Variants in RPS6KA2 observed in about 807,000 individuals in gnomAD.
RPS6KA2 encodes the protein ribosomal protein S6 kinase alpha-2.
In RPS6KA2, 42 loss-of-function variants were observed where a neutral mutation model predicts 91.8. That is an observed-to-expected ratio of 0.46 (90% CI 0.36 to 0.59). RPS6KA2 has a LOEUF of 0.59. Among genes scored for constraint, RPS6KA2 ranks in the 20% least tolerant of loss-of-function variants. The pLI is 0.00. For missense variants in RPS6KA2, 798 were observed against 978.5 expected (o/e 0.82, Z 2.46); for synonymous variants, 414 against 393.6 (o/e 1.05, Z -0.61).
intron 11 of RPS6KA2, 64 bp downstream of exon 11, chr6:166,469,777 T>A (rs1345029747): frequency 2.1e-6 from 3 of 1,427,344 alleles, no homozygotes; most frequent in Non-Finnish European, 2.0e-6. Flanking sequence ...CACCAAGCCG[T>A]ATGTTCCCTC....
At chr6:166,769,609 A>G (rs1291792944) in intron 2 of RPS6KA2, among the ~76,000 whole-genome samples, 2 of 152,242 alleles carry the variant, frequency 1.3e-5, no homozygotes, top group South Asian at 4.1e-4. Flanking sequence ...TCCACGTCCA[A>G]TAAGGAAACT....
intron 10 of RPS6KA2, among the ~76,000 whole-genome samples, chr6:166,470,529 C>G (rs774861556): frequency 6.6e-6 from 1 of 152,220 alleles, no homozygotes; most frequent in Non-Finnish European, 1.5e-5. Context: ...TACTTTGTTG[C>G]GTACAATCCT....
chr6:166,618,591 G>T (rs1786502072), intron 1 of RPS6KA2, among the ~76,000 whole-genome samples: 1 of 152,226 alleles, frequency 6.6e-6, no homozygotes, highest in Non-Finnish European at 1.5e-5. Flanking sequence ...CAGGCAGTGA[G>T]AGGCCTTGGC....
Position 166,412,762 on chromosome 6 carries a change from C to T in RPS6KA2, c.2202G>A (p.Ter734=), listed in dbSNP as rs1169695090. ...GACGCTGGGGCCAGGGTCCCACCCG[C>T]TACAGCCGCGTGGACGTGAGTCTCT... ...GMKRLTSTRL[*] is the part of the protein sequence containing the mutation. The change falls in exon 21 of 21, where the codon TAG becomes TAA. Residue 734 remains the stop codon, a stop_retained_variant. Transcript: ENST00000265678. The surrounding 1 kb of genome is among the most constrained non-coding windows in gnomAD (Gnocchi z 4.3). The T allele has an allele frequency of 6.3e-7, 1 of 1,597,186 alleles. No homozygotes were observed. Among genetic ancestry groups the T allele is most frequent in the Admixed American group, 1.7e-5 (1 of 57,852 alleles).
chr6:166,449,856 A>G (rs899725167), intron 13 of RPS6KA2, among the ~76,000 whole-genome samples: 1 of 126,098 alleles, frequency 7.9e-6, no homozygotes, highest in Non-Finnish European at 1.7e-5. Context: ...CACGAGGACC[A>G]CCATGGGAAC....
chr6:166,514,219 C>A (rs1782564067), intron 3 of RPS6KA2, among the ~76,000 whole-genome samples: 1 of 152,212 alleles, frequency 6.6e-6, no homozygotes. Context: ...ACTCCTTTCC[C>A]ATCACTACTT....
intron 3 of RPS6KA2, among the ~76,000 whole-genome samples, chr6:166,511,582 C>T (rs1350941095): frequency 6.6e-6 from 1 of 152,186 alleles, no homozygotes; most frequent in African/African-American, 2.4e-5. Flanking sequence ...GGGCAAGCTG[C>T]TACACCCAGG....
chr6:166,843,476 G>A (rs1392259354), intron 2 of RPS6KA2, among the ~76,000 whole-genome samples: 1 of 152,164 alleles, frequency 6.6e-6, no homozygotes, highest in Non-Finnish European at 1.5e-5. Context: ...CAAAACCAGT[G>A]CACTGAACAA....
intron 5 of RPS6KA2, among the ~76,000 whole-genome samples, chr6:166,504,899 C>T (rs1782143597): frequency 6.6e-6 from 1 of 152,166 alleles, no homozygotes; most frequent in Admixed American, 6.5e-5. Flanking sequence ...GTGTCCTTCT[C>T]ACCCCTGCAA....
intron 2 of RPS6KA2, among the ~76,000 whole-genome samples, chr6:166,706,816 G>T (rs80263422): frequency 0.02 from 2,970 of 152,288 alleles, 101 homozygotes; most frequent in African/African-American, 0.068. Flanking sequence ...ATATAGAGAG[G>T]GTGGGATCGG....
chr6:166,575,382 C>A (rs1784810592), intron 1 of RPS6KA2, among the ~76,000 whole-genome samples: 1 of 152,146 alleles, frequency 6.6e-6, no homozygotes, highest in African/African-American at 2.4e-5. Context: ...CCTGCCAAAT[C>A]GAGCACGAGA....
At chr6:166,447,404 CT>C (rs1353775497) in intron 14 of RPS6KA2, among the ~76,000 whole-genome samples, 1 of 152,158 alleles carries the variant, frequency 6.6e-6, no homozygotes, top group African/African-American at 2.4e-5. Context: ...TTTAAACTTT[CT>C]TTTTTTGTTT....
intron 2 of RPS6KA2, among the ~76,000 whole-genome samples, chr6:166,708,485 G>T (rs991611598): frequency 1.3e-5 from 2 of 152,190 alleles, no homozygotes; most frequent in African/African-American, 4.8e-5. Context: ...GCTTTATCAG[G>T]TTGTTGAAAA....
intron 3 of RPS6KA2, among the ~76,000 whole-genome samples, chr6:166,512,145 A>G (rs182265367): frequency 4.4e-4 from 67 of 152,308 alleles, no homozygotes; most frequent in African/African-American, 1.4e-3. Flanking sequence ...TTCAGCTCTA[A>G]AAAAGAGTAA....
chr6:166,533,071 G>A lies in RPS6KA2; in HGVS notation c.217-1758C>T, dbSNP rs114971053. ...CTCAGGGTGTTCCCTCTGTGCAGTG[G>A]GCGAGCTTCCTGACAGGCAGGTAGA... On this transcript the variant is annotated intron_variant, in intron 2 of 20. Transcript: ENST00000265678. This position sits in a 1 kb window ranked among gnomAD's most constrained non-coding sequence, Gnocchi z 4.0. 3.2e-3 allele frequency among the ~76,000 whole-genome samples: 480 copies of A among 152,338 alleles called. 3 individuals carry two copies. Among genetic ancestry groups the A allele is most frequent in the African/African-American group, 0.011 (458 of 41,576 alleles).
At chr6:166,734,894 T>C (rs1262306575) in intron 2 of RPS6KA2, among the ~76,000 whole-genome samples, 2 of 152,216 alleles carry the variant, frequency 1.3e-5, no homozygotes, top group African/African-American at 4.8e-5. Flanking sequence ...AATGAGAAAA[T>C]ATCACAGATT....
rs141709524 is a variant in RPS6KA2, at chr6:166,716,035, C to CA, written c.123+142164dup. ...CCTGGCTGACAGAGTGAGACTCCAT[C>CA]AAAAAAAAAAAAAAAAAAAAAAAAA... On this transcript the variant is annotated intron_variant, in intron 2 of 21. Transcript: ENST00000503859. 5.0e-3 allele frequency among the ~76,000 whole-genome samples: 451 copies of CA among 89,774 alleles called. 12 individuals are homozygous for CA. The highest frequency in any genetic ancestry group is 0.015 in the African/African-American group (283 of 19,030). The allele number at this position is 89,774 out of a possible 152,430, so 58.9% of individuals were successfully genotyped here. A position where few individuals can be genotyped will look rare whatever the true frequency, so the allele number is the denominator to read the frequency against.
At chr6:166,792,271 C>T (rs2128614550) in intron 2 of RPS6KA2, among the ~76,000 whole-genome samples, 1 of 152,240 alleles carries the variant, frequency 6.6e-6, no homozygotes, top group East Asian at 1.9e-4. Flanking sequence ...GGATAAATTC[C>T]TGGACACATA....
At chr6:166,458,001 A>G (rs1780157750) in intron 12 of RPS6KA2, among the ~76,000 whole-genome samples, 1 of 152,216 alleles carries the variant, frequency 6.6e-6, no homozygotes, top group Admixed American at 6.5e-5. Context: ...TGTCCCACTT[A>G]TGTCTACAGA....
Sources: allele counts gnomAD v4.1 joint callset (sites outside exome capture counted in the v4.1 genomes callset), GRCh38; gene constraint gnomAD v4.1.1; non-coding constraint Gnocchi (gnomAD v3.1); transcripts MANE v1.5; gene names NCBI Gene and HGNC (gene_info 2026-07-23, HGNC 2026-07-21).